The following ACACB variants were observed in gnomAD, a reference collection of about 807,000 sequenced individuals.
ACACB encodes acetyl-CoA carboxylase beta.
Under a neutral mutation model 278.8 loss-of-function variants are expected in ACACB, and 209 were observed. The ratio of observed to expected loss-of-function variants is 0.75; its 90% CI spans 0.67 to 0.84. The LOEUF (loss-of-function observed/expected upper bound fraction) is 0.84, where lower values mean the gene tolerates loss of function less well. Ranked by LOEUF, ACACB falls within the 40% of genes least tolerant of loss-of-function variation. The probability of loss-of-function intolerance (pLI) is 0.00; values close to 1 mark genes in which losing one functional copy is unlikely to be tolerated. For missense variants in ACACB, 2,850 were observed against 3,269.0 expected (o/e 0.87, Z 3.13); for synonymous variants, 1,174 against 1,285.6 (o/e 0.91, Z 1.86).
intron 13 of ACACB, chr12:109,191,367 C>T (rs989957366): frequency 2.1e-5 from 8 of 376,440 alleles, no homozygotes; most frequent in Non-Finnish European, 3.5e-5. Context: ...GCGTCCTCCA[C>T]CATGCTGAGC....
In ACACB at chr12:109,260,019, G is replaced by A. The variant is rs766631770; in HGVS notation, c.6497-461G>A. 3 of 1,287,226 alleles carry A rather than the reference G, an allele frequency of 2.3e-6. No homozygotes were observed. The Admixed American group carries it at 5.7e-5, about 25-fold the overall frequency. 79.7% of individuals were successfully genotyped at this position (1,287,226 alleles called of 1,614,324 possible). On this transcript the variant is annotated intron_variant, in intron 47 of 52. Coordinates refer to ENST00000338432, the MANE Select transcript of ACACB (RefSeq NM_001093.4). ...CTGATGAGCTAATTGCTGACATGCA[G>A]TGTGATTGTCAGTGCTGTTATTATT...
intron 2 of ACACB, among the ~76,000 whole-genome samples, chr12:109,144,750 CTTTCT>C (rs1353302064): frequency 4.6e-5 from 4 of 86,772 alleles, no homozygotes; most frequent in South Asian, 4.4e-4. Flanking sequence ...TTCTTTCTTT[CTTTCT>C]TTTTTTTTTT....
Position 109,181,472 on chromosome 12 carries a change from C to T in ACACB, c.1818+1385C>T, listed in dbSNP as rs538855411. ...CAAACTCCTGACCTCAGATGATCTG[C>T]CCACCTCAACTTCCCAAAGTGCTAG... On this transcript the variant is annotated intron_variant, in intron 11 of 52. Transcript: ENST00000338432. Among the ~76,000 whole-genome samples, 13 of 152,216 alleles carry T rather than the reference C, an allele frequency of 8.5e-5. 1 individual carries two copies. The highest frequency in any genetic ancestry group is 7.9e-4 in the Admixed American group (12 of 15,280).
intron 16 of ACACB, among the ~76,000 whole-genome samples, chr12:109,194,919 TTC>T (rs1346262220): frequency 6.6e-6 from 1 of 152,166 alleles, no homozygotes; most frequent in Non-Finnish European, 1.5e-5. Flanking sequence ...GCTGGTTTTG[TTC>T]TCTGTCTCTG....
Position 109,250,081 on chromosome 12 carries a change from G to A in ACACB, c.5767G>A (p.Glu1923Lys), listed in dbSNP as rs113576948. Residue 1923 changes from glutamate to lysine, a missense_variant, in exon 41 of 53, where the codon GAA becomes AAA. Glu to Lys is a moderately conservative substitution (Grantham distance 56). This residue lies in a region of ACACB where 2,265 missense variants were observed against 2,561.3 expected (regional missense o/e 0.88). Coordinates refer to ENST00000338432, the MANE Select transcript of ACACB (RefSeq NM_001093.4). The part of the protein sequence containing the change: ...MIAGESSLAY[E>K]EIVTISLVTC... ...TGCTGGGGAGTCCTCTCTGGCTTAC[G>A]AAGAGATCGTCACCATTAGCTTGGT... 19 of 1,612,422 alleles carry A rather than the reference G, an allele frequency of 1.2e-5. No homozygotes were observed. Among genetic ancestry groups the A allele is most frequent in the East Asian group, 2.2e-5 (1 of 44,764 alleles).
chr12:109,259,643 A>G (rs951320555), intron 47 of ACACB, among the ~76,000 whole-genome samples: 9 of 152,116 alleles, frequency 5.9e-5, no homozygotes, highest in African/African-American at 2.2e-4. Flanking sequence ...TAGAGGTCAC[A>G]CCATGAGGTG....
chr12:109,218,652 ATT>A (rs578075666), intron 24 of ACACB, among the ~76,000 whole-genome samples: 23 of 128,194 alleles, frequency 1.8e-4, no homozygotes, highest in Admixed American at 3.1e-4. Flanking sequence ...GGGTTTGGCA[ATT>A]TTTTTTTTTT....
At chr12:109,187,430 A>C (rs1232445927) in intron 12 of ACACB, among the ~76,000 whole-genome samples, 1 of 147,292 alleles carries the variant, frequency 6.8e-6, no homozygotes, top group Non-Finnish European at 1.5e-5. Flanking sequence ...CAACTCGCTT[A>C]TTTTATTTAT....
chr12:109,237,371 G>A lies in ACACB; in HGVS notation c.4653G>A (p.Leu1551=), dbSNP rs749055961. 2.5e-5 allele frequency: 41 copies of A among 1,613,832 alleles called. No homozygotes were observed. The highest frequency in any genetic ancestry group is 3.3e-5 in the South Asian group (3 of 91,008). Residue 1551 remains leucine, a synonymous_variant, in exon 34 of 53, where the codon CTG becomes CTA. Coordinates refer to ENST00000338432, the MANE Select transcript of ACACB (RefSeq NM_001093.4). ...FIRAIIRHSD[L]ITKEASFEYL... is the part of the protein sequence containing the mutation. Reference sequence around the variant, plus strand: ...GCGCCATCATCAGGCACTCTGACCTGATCACAAAGGTAAGATGTCGCAGAG... The same window carrying A: ...GCGCCATCATCAGGCACTCTGACCTAATCACAAAGGTAAGATGTCGCAGAG...
At chr12:109,113,979 A>AG (rs1555266545), upstream of ACACB, among the ~76,000 whole-genome samples, 2 of 151,284 alleles carry the variant, frequency 1.3e-5, no homozygotes, top group South Asian at 2.1e-4. Flanking sequence ...ATGGGAACCA[A>AG]TTTTTTTTTC....
intron 3 of ACACB, 74 bp from the exon 4 acceptor site, chr12:109,167,822 G>A (rs2043969655): frequency 6.2e-7 from 1 of 1,608,372 alleles, no homozygotes; most frequent in Non-Finnish European, 8.5e-7. Context: ...GCTGTGAGGT[G>A]GACTCGGGGT....
chr12:109,166,953 A>C lies in ACACB; in HGVS notation c.746A>C (p.Glu249Ala). The change falls in exon 3 of 53, where the codon GAG (glutamate) becomes GCG (alanine). Residue 249 changes from glutamate (E) to alanine (A), a missense_variant. This residue lies in a region of ACACB where 2,265 missense variants were observed against 2,561.3 expected (regional missense o/e 0.88). Coordinates refer to ENST00000338432, the MANE Select transcript of ACACB (RefSeq NM_001093.4). ...HRDFTVASPAEFVTRFGGDRV... is the reference protein window; with the variant it reads ...HRDFTVASPAAFVTRFGGDRV... ...GACTTTACCGTGGCTTCTCCCGCTG[A>C]GTTTGTCACACGCTTTGGGGGGGAT... 6.2e-7 allele frequency: 1 copy of C among 1,613,838 alleles called. No homozygotes were observed. The highest frequency in any genetic ancestry group is 1.1e-5 in the South Asian group (1 of 91,050).
intron 1 of ACACB, among the ~76,000 whole-genome samples, chr12:109,118,562 C>T (rs2042462942): frequency 6.6e-6 from 1 of 151,976 alleles, no homozygotes; most frequent in Non-Finnish European, 1.5e-5. Context: ...TGCAGGCAAG[C>T]ACTACCACGC....
intron 4 of ACACB, among the ~76,000 whole-genome samples, chr12:109,168,754 C>T (rs1207735143): frequency 1.3e-5 from 2 of 152,172 alleles, no homozygotes; most frequent in Admixed American, 6.6e-5. Context: ...CCCAGGGGGT[C>T]TAGGCTGCAG....
At chr12:109,202,107 A>G (rs1225066724) in intron 19 of ACACB, among the ~76,000 whole-genome samples, 1 of 151,444 alleles carries the variant, frequency 6.6e-6, no homozygotes, top group East Asian at 1.9e-4. Context: ...ATCACTCTCA[A>G]CTCCTGGGAG....
chr12:109,263,105 G>A (rs1593741377), intron 49 of ACACB: 1 of 151,320 alleles, frequency 6.6e-6, no homozygotes, highest in East Asian at 1.9e-4. Flanking sequence ...TCAGAGATAA[G>A]ATATTTTACT....
chr12:109,260,056 T>C (rs1036031831), intron 47 of ACACB: 14 of 1,354,898 alleles, frequency 1.0e-5, no homozygotes, highest in African/African-American at 1.5e-5. Flanking sequence ...CATTCTTGTT[T>C]TCATGTAGGG....
intron 24 of ACACB, among the ~76,000 whole-genome samples, chr12:109,218,162 T>C (rs2046057764): frequency 6.6e-6 from 1 of 152,220 alleles, no homozygotes; most frequent in Non-Finnish European, 1.5e-5. Context: ...GTCTCTGTTC[T>C]TGTTTCTCTT....
chr12:109,188,191 T>G, intron 13 of ACACB, 29 bp downstream of exon 13: 1 of 1,024,564 alleles, frequency 9.8e-7, no homozygotes, highest in East Asian at 2.7e-5. Flanking sequence ...CCTTCCTTCC[T>G]TCCTTCCTTC....
Sources: gnomAD v4.1 joint callset for allele counts (sites outside exome capture counted in the v4.1 genomes callset) on GRCh38, gnomAD v4.1.1 for gene constraint, gnomAD v4.1.1 regional missense constraint, MANE v1.5 for transcripts, NCBI Gene and HGNC (gene_info 2026-07-23, HGNC 2026-07-21) for gene names.